The following SMS variants were observed in gnomAD, a reference collection of about 807,000 sequenced individuals.
The protein encoded by SMS is spermidine aminopropyltransferase.
A neutral mutation model predicts 33.0 loss-of-function variants in SMS; 3 were observed. The observed-to-expected ratio is 0.09, with a 90% CI of 0.04 to 0.23. The LOEUF (loss-of-function observed/expected upper bound fraction) is 0.23, where lower values mean the gene tolerates loss of function less well. Among genes scored for constraint, SMS ranks in the 10% least tolerant of loss-of-function variants. The probability of loss-of-function intolerance (pLI) is 1.00; values close to 1 mark genes in which losing one functional copy is unlikely to be tolerated. For synonymous variants in SMS, 103 were observed against 112.2 expected (o/e 0.92, Z 0.52); for missense variants, 117 against 288.6 (o/e 0.41, Z 4.31).
chrX:21,958,685 T>C (rs1158152368), intron 1 of SMS, among the ~76,000 whole-genome samples: 2 of 112,187 alleles, frequency 1.8e-5, no homozygotes, highest in Non-Finnish European at 3.8e-5. Flanking sequence ...CTTTTCTGTT[T>C]TGTTTTTTGA....
chrX:21,980,845 C>CT (rs1419395912), intron 7 of SMS, among the ~76,000 whole-genome samples: 3 of 111,823 alleles, frequency 2.7e-5, no homozygotes, highest in Non-Finnish European at 5.6e-5. Flanking sequence ...TTTCTCTATA[C>CT]TAAATGCTAA....
At chrX:21,950,330 T>TG (rs762336225) in intron 1 of SMS, among the ~76,000 whole-genome samples, 1 of 110,173 alleles carries the variant, frequency 9.1e-6, no homozygotes, top group Non-Finnish European at 1.9e-5. Context: ...TGTTCCTACG[T>TG]GGGGGTTTGT....
chrX:21,982,141 G>T (rs569193346), intron 7 of SMS, among the ~76,000 whole-genome samples: 2 of 108,788 alleles, frequency 1.8e-5, no homozygotes, highest in African/African-American at 6.7e-5. Context: ...AGACCATCCT[G>T]GCTAACATAG....
At chrX:21,987,660 G>A (rs1925441966) in intron 9 of SMS, among the ~76,000 whole-genome samples, 1 of 112,647 alleles carries the variant, frequency 8.9e-6, no homozygotes, top group African/African-American at 3.2e-5. Flanking sequence ...ATACATAAAA[G>A]GAAATCTCAA....
intron 1 of SMS, among the ~76,000 whole-genome samples, chrX:21,943,979 C>A: frequency 9.0e-6 from 1 of 111,366 alleles, no homozygotes; most frequent in Non-Finnish European, 1.9e-5. Context: ...GATTCATGTT[C>A]TTTTCCCCGT....
intron 4 of SMS, among the ~76,000 whole-genome samples, chrX:21,973,904 G>A (rs1165490991): frequency 8.8e-6 from 1 of 113,083 alleles, no homozygotes; most frequent in Non-Finnish European, 1.9e-5. Context: ...TTCGGACATC[G>A]TGGGAAGGAA....
chrX:21,983,431 A>ATGACAGT (rs1925116501), intron 7 of SMS, among the ~76,000 whole-genome samples: 1 of 110,607 alleles, frequency 9.0e-6, no homozygotes, highest in Admixed American at 9.8e-5. Context: ...AAACTAAAAG[A>ATGACAGT]TGACAGTAAC....
At chrX:21,954,237 T>G (rs1191312359) in intron 1 of SMS, among the ~76,000 whole-genome samples, 1 of 112,094 alleles carries the variant, frequency 8.9e-6, no homozygotes, top group Admixed American at 9.5e-5. Context: ...CTGGCCTGTT[T>G]TTGTGTGACC....
intron 4 of SMS, among the ~76,000 whole-genome samples, chrX:21,973,296 G>A (rs866479702): frequency 8.9e-6 from 1 of 112,292 alleles, no homozygotes; most frequent in Non-Finnish European, 1.9e-5. Flanking sequence ...AAGTAGCCAG[G>A]CGTGGTGGTA....
intron 2 of SMS, among the ~76,000 whole-genome samples, chrX:21,969,963 A>C (rs1924014491): frequency 8.9e-6 from 1 of 112,589 alleles, no homozygotes; most frequent in Non-Finnish European, 1.9e-5. Context: ...ACAGGCACTC[A>C]CCACCACATC....
intron 2 of SMS, 145 bp downstream of exon 2, chrX:21,967,461 C>G (rs756488223): frequency 3.4e-6 from 2 of 592,374 alleles, no homozygotes; most frequent in Non-Finnish European, 5.6e-6. Context: ...GCTTCTCAAC[C>G]GTAGCTGCAC....
intron 1 of SMS, among the ~76,000 whole-genome samples, chrX:21,960,904 T>C (rs1047869109): frequency 9.0e-6 from 1 of 111,436 alleles, no homozygotes; most frequent in Non-Finnish European, 1.9e-5. Flanking sequence ...TTTTTTGTTA[T>C]TGTTTTTTGT....
At chrX:21,979,165 C>A (rs1924734931) in intron 7 of SMS, among the ~76,000 whole-genome samples, 199 bp downstream of exon 7, 1 of 98,325 alleles carries the variant, frequency 1.0e-5, no homozygotes, top group Non-Finnish European at 2.0e-5. Context: ...ACTCCAGATT[C>A]TCTGAATTAA....
intron 10 of SMS, 59 bp downstream of exon 10, chrX:21,992,771 C>T (rs1013902138): frequency 1.5e-4 from 101 of 668,944 alleles, no homozygotes; most frequent in Non-Finnish European, 2.3e-4. Flanking sequence ...AATCATATGC[C>T]AATGAAAAAA....
chrX:21,957,007 C>T (rs920380761), intron 1 of SMS, among the ~76,000 whole-genome samples: 1 of 111,691 alleles, frequency 9.0e-6, no homozygotes, highest in African/African-American at 3.3e-5. Context: ...GCCTACACAC[C>T]GCAGCCACTC....
At chrX:21,992,763 T>C (rs754015550) in intron 10 of SMS, 51 bp downstream of exon 10, 7 of 716,103 alleles carry the variant, frequency 9.8e-6, no homozygotes, top group Non-Finnish European at 1.5e-5. Context: ...CCCAAGTAAA[T>C]CATATGCCAA....
intron 1 of SMS, among the ~76,000 whole-genome samples, chrX:21,966,675 A>G (rs1923744606): frequency 8.9e-6 from 1 of 111,861 alleles, no homozygotes; most frequent in African/African-American, 3.3e-5. Context: ...TTTTCCAGTT[A>G]TAAAAGCAGC....
chrX:21,941,387 G>A (rs1055505720), intron 1 of SMS: 2 of 226,612 alleles, frequency 8.8e-6, no homozygotes, highest in Non-Finnish European at 1.6e-5. Context: ...CCTCTTGGGG[G>A]CGGGGGTTTC....
chrX:21,962,064 ATAGAGCATCTAG>A (rs1218916478), intron 1 of SMS, among the ~76,000 whole-genome samples: 12 of 112,191 alleles, frequency 1.1e-4, no homozygotes, highest in African/African-American at 3.9e-4. Context: ...TCACCTGTGT[ATAGAGCATCTAG>A]TAGTTCTCAA....
Sources: gnomAD v4.1 joint callset for allele counts (sites outside exome capture counted in the v4.1 genomes callset) on GRCh38, gnomAD v4.1.1 for gene constraint, MANE v1.5 for transcripts, NCBI Gene and HGNC (gene_info 2026-07-23, HGNC 2026-07-21) for gene names.